The following CNTLN variants were observed in gnomAD, a reference collection of about 807,000 sequenced individuals.
CNTLN encodes the protein centlein.
A neutral mutation model predicts 180.0 loss-of-function variants in CNTLN; 212 were observed. The observed-to-expected ratio is 1.18, with a 90% CI of 1.05 to 1.32. CNTLN has a LOEUF of 1.32. CNTLN is among the 40% of genes most tolerant of loss of function. CNTLN has a pLI of 0.00. For synonymous variants in CNTLN, 722 were observed against 563.1 expected (o/e 1.28, Z -3.99); for missense variants, 2,095 against 1,610.9 (o/e 1.30, Z -5.14).
chr9:17,290,718 G>A (rs1201535285), intron 6 of CNTLN, among the ~76,000 whole-genome samples: 2 of 151,640 alleles, frequency 1.3e-5, no homozygotes, highest in African/African-American at 2.4e-5. Flanking sequence ...ATGGTTCGCC[G>A]CTTTTTAAGC....
chr9:17,257,686 G>A (rs1469967989), intron 5 of CNTLN, among the ~76,000 whole-genome samples: 1 of 151,150 alleles, frequency 6.6e-6, no homozygotes, highest in African/African-American at 2.5e-5. Flanking sequence ...GTGTGAGATG[G>A]TATCTCATTG....
At chr9:17,234,114 TTAACTA>T (rs1396034358) in intron 3 of CNTLN, among the ~76,000 whole-genome samples, 1 of 152,146 alleles carries the variant, frequency 6.6e-6, no homozygotes, top group Non-Finnish European at 1.5e-5. Context: ...AAATTATTTT[TTAACTA>T]TAAGTAAAAT....
rs201032771 is a variant in CNTLN at position 17,491,648 on chromosome 9, GA to G, written c.4119+4584del. 9.2e-3 allele frequency among the ~76,000 whole-genome samples: 1,392 copies of G among 151,948 alleles called. 20 individuals carry two copies. Among genetic ancestry groups the G allele is most frequent in the African/African-American group, 0.031 (1,298 of 41,462 alleles). On this transcript the variant is annotated intron_variant, in intron 25 of 25. Coordinates refer to ENST00000380647, the MANE Select transcript of CNTLN (RefSeq NM_017738.4). ...TTGTATAGATCATTTTCTTCTATTG[GA>G]ACTATATAAAAAATTCTGTCTGTTT...
At chr9:17,367,363 G>T (rs1823916933) in intron 13 of CNTLN, among the ~76,000 whole-genome samples, 3 of 151,930 alleles carry the variant, frequency 2.0e-5, no homozygotes, top group Admixed American at 2.0e-4. Context: ...GTTCTGGCAA[G>T]CCTCATTACC....
chr9:17,413,452 A>T (rs565292968), intron 16 of CNTLN, among the ~76,000 whole-genome samples: 9 of 152,128 alleles, frequency 5.9e-5, no homozygotes, highest in Non-Finnish European at 1.3e-4. Context: ...TCCTCAAAAG[A>T]CACTATATAG....
At chr9:17,228,197 A>G (rs1024187761) in intron 3 of CNTLN, among the ~76,000 whole-genome samples, 4 of 152,244 alleles carry the variant, frequency 2.6e-5, no homozygotes, top group African/African-American at 7.2e-5. Context: ...TAACCATAGC[A>G]CACCCTTAGA....
chr9:17,145,277 G>A (rs924852797), intron 2 of CNTLN, among the ~76,000 whole-genome samples: 3 of 152,184 alleles, frequency 2.0e-5, no homozygotes, highest in Non-Finnish European at 4.4e-5. Flanking sequence ...TACACTGTGA[G>A]ATACTTTGGA....
chr9:17,522,763 A>G, the CNTLN span, among the ~76,000 whole-genome samples: 6 of 151,626 alleles, frequency 4.0e-5, no homozygotes, highest in African/African-American at 1.5e-4. Context: ...AATTTAAAAG[A>G]TACTTTTATT....
At chr9:17,237,329 G>C (rs1825209383) in intron 5 of CNTLN, among the ~76,000 whole-genome samples, 1 of 137,716 alleles carries the variant, frequency 7.3e-6, no homozygotes, top group Admixed American at 7.5e-5. Flanking sequence ...TAGTAAATAT[G>C]GTGGTCTCTC....
chr9:17,379,390 A>G (rs551384793), intron 13 of CNTLN, among the ~76,000 whole-genome samples: 1 of 149,900 alleles, frequency 6.7e-6, no homozygotes, highest in African/African-American at 2.5e-5. Flanking sequence ...TCTCTCCTCT[A>G]TGACACTTTG....
chr9:17,491,969 T>G (rs960574921), intron 25 of CNTLN, among the ~76,000 whole-genome samples: 2 of 152,122 alleles, frequency 1.3e-5, no homozygotes, highest in Non-Finnish European at 2.9e-5. Context: ...ACTCTGTGGT[T>G]ATTTCCTGTG....
At chr9:17,143,224 T>C in intron 1 of CNTLN, 64 bp from the exon 2 acceptor site, 1 of 1,100,634 alleles carries the variant, frequency 9.1e-7, no homozygotes, top group East Asian at 2.4e-5. Context: ...TAAAATTTAA[T>C]GTAGTATCTT....
At position 17,228,842 on chromosome 9, in the gene CNTLN, G is replaced by A. The variant is rs955192905; in HGVS notation, c.534+2555G>A. The stretch of plus-strand genomic sequence containing the variant: ...TAGGTTTTCAGCTTAGAGAAACCAG[G>A]AGAACAGTGGCGTTATTATCAAAAA... On this transcript the variant is annotated intron_variant, in intron 3 of 25. Coordinates refer to ENST00000380647, the MANE Select transcript of CNTLN (RefSeq NM_017738.4). Among the ~76,000 whole-genome samples, 3 of 149,076 alleles carry A rather than the reference G, an allele frequency of 2.0e-5. No individual in the cohort carries two copies. In the South Asian group the frequency reaches 6.2e-4, roughly 31 times the overall value.
At chr9:17,220,813 A>G (rs1223785935) in intron 2 of CNTLN, among the ~76,000 whole-genome samples, 1 of 152,158 alleles carries the variant, frequency 6.6e-6, no homozygotes, top group African/African-American at 2.4e-5. Context: ...TCCACAGTGT[A>G]TATGTACCAC....
intron 10 of CNTLN, among the ~76,000 whole-genome samples, chr9:17,337,870 C>G (rs1018757662): frequency 6.6e-6 from 1 of 152,108 alleles, no homozygotes; most frequent in Admixed American, 6.6e-5. Flanking sequence ...CTTTGAGGTT[C>G]TATTTACTCA....
chr9:17,141,675 C>A (rs1387267786), intron 1 of CNTLN, among the ~76,000 whole-genome samples: 1 of 152,144 alleles, frequency 6.6e-6, no homozygotes, highest in Non-Finnish European at 1.5e-5. Context: ...ACGGAATTGA[C>A]TTGGACTAGG....
At chr9:17,237,672 A>G (rs1431948479) in intron 5 of CNTLN, among the ~76,000 whole-genome samples, 1 of 152,050 alleles carries the variant, frequency 6.6e-6, no homozygotes, top group African/African-American at 2.4e-5. Flanking sequence ...GCATCCATGG[A>G]TTTTGGTATT....
At chr9:17,178,290 T>G (rs941831408) in intron 2 of CNTLN, among the ~76,000 whole-genome samples, 2 of 152,212 alleles carry the variant, frequency 1.3e-5, no homozygotes, top group Non-Finnish European at 2.9e-5. Flanking sequence ...TTACAATCCC[T>G]TAGCTAGACA....
At position 17,484,426 on chromosome 9, in the gene CNTLN, C is replaced by G; in HGVS notation, c.3987C>G (p.Ile1329Met). Residue 1329 changes from isoleucine (I) to methionine (M), a missense_variant, in exon 24 of 26, where the codon ATC (isoleucine) becomes ATG (methionine). Ile to Met is a conservative substitution (Grantham distance 10). Coordinates refer to ENST00000380647, the MANE Select transcript of CNTLN (RefSeq NM_017738.4). ...AAGCCCAGACCTTGGCAGCTTCTAT[C>G]CTGAACATTTCACGGTCAGATTTAG... The part of the protein sequence containing the change: ...THKAQTLAAS[I>M]LNISRSDLEE... 6.2e-7 allele frequency: 1 copy of G among 1,608,666 alleles called. No individual in the cohort carries two copies. Among genetic ancestry groups the G allele is most frequent in the Non-Finnish European group, 8.5e-7 (1 of 1,178,746 alleles).
Sources: allele counts gnomAD v4.1 joint callset (sites outside exome capture counted in the v4.1 genomes callset), GRCh38; gene constraint gnomAD v4.1.1; transcripts MANE v1.5; gene names NCBI Gene and HGNC (gene_info 2026-07-23, HGNC 2026-07-21).